RPS6KC1: variants seen among roughly 807,000 people sequenced by gnomAD.
RPS6KC1 encodes the protein inactive ribosomal protein S6 kinase delta-1.
Under a neutral mutation model 103.8 loss-of-function variants are expected in RPS6KC1, and 54 were observed. The observed-to-expected ratio is 0.52, with a 90% CI of 0.42 to 0.65. The LOEUF is 0.65. Among genes scored for constraint, RPS6KC1 ranks in the 30% least tolerant of loss-of-function variants. RPS6KC1 has a pLI of 0.00. For synonymous variants in RPS6KC1, 439 were observed against 438.7 expected (o/e 1.00, Z -0.01); for missense variants, 1,151 against 1,253.8 (o/e 0.92, Z 1.24).
At chr1:213,792,704 A>G in the RPS6KC1 span, among the ~76,000 whole-genome samples, 1 of 152,238 alleles carries the variant, frequency 6.6e-6, no homozygotes, top group Non-Finnish European at 1.5e-5. Flanking sequence ...CACTGAGAAC[A>G]AAGAGACAAA....
the RPS6KC1 span, among the ~76,000 whole-genome samples, chr1:213,668,733 T>C: frequency 6.6e-6 from 1 of 152,218 alleles, no homozygotes; most frequent in African/African-American, 2.4e-5. Context: ...TTTGCCTCCA[T>C]TGAAAATCTA....
chr1:213,260,890 G>C (rs2094776257), intron 12 of RPS6KC1, among the ~76,000 whole-genome samples: 1 of 152,062 alleles, frequency 6.6e-6, no homozygotes. Context: ...ACAGATAAAA[G>C]TGTAATTTGT....
intron 6 of RPS6KC1, among the ~76,000 whole-genome samples, chr1:213,164,686 C>T (rs2090794872): frequency 6.6e-6 from 1 of 151,970 alleles, no homozygotes; most frequent in Non-Finnish European, 1.5e-5. Flanking sequence ...CCTCAGCCTC[C>T]CAAGTAGCTG....
intron 8 of RPS6KC1, among the ~76,000 whole-genome samples, chr1:213,214,684 GA>G (rs2093611600): frequency 6.6e-6 from 1 of 152,160 alleles, no homozygotes; most frequent in Admixed American, 6.5e-5. Context: ...AAAACTTCCA[GA>G]AGAACAATCA....
chr1:213,546,347 G>A, the RPS6KC1 span: 3 of 152,176 alleles, frequency 2.0e-5, no homozygotes, highest in African/African-American at 7.2e-5. Context: ...CTGTCAGCAG[G>A]CAGAGTGAGG....
the RPS6KC1 span, among the ~76,000 whole-genome samples, chr1:213,356,916 T>C: frequency 2.0e-4 from 30 of 152,354 alleles, no homozygotes; most frequent in Admixed American, 2.0e-4. Context: ...CCAGCATTCT[T>C]GATTCTTGGA....
At chr1:213,490,944 G>A in the RPS6KC1 span, among the ~76,000 whole-genome samples, 1 of 152,148 alleles carries the variant, frequency 6.6e-6, no homozygotes, top group Non-Finnish European at 1.5e-5. Flanking sequence ...CACAAGCAAA[G>A]CAAAGGATCC....
the RPS6KC1 span, among the ~76,000 whole-genome samples, chr1:213,328,541 T>TATATATATAA: frequency 7.8e-6 from 1 of 129,022 alleles, no homozygotes; most frequent in Non-Finnish European, 1.7e-5. Flanking sequence ...TATATATATA[T>TATATATATAA]CACACACACA....
At chr1:213,861,140 G>A in the RPS6KC1 span, among the ~76,000 whole-genome samples, 163 of 152,192 alleles carry the variant, frequency 1.1e-3, no homozygotes, top group Admixed American at 1.6e-3. Context: ...AAAGGCTGAG[G>A]GAAGCTATTT....
the RPS6KC1 span, among the ~76,000 whole-genome samples, chr1:213,426,120 C>T: frequency 6.6e-6 from 1 of 152,086 alleles, no homozygotes; most frequent in Non-Finnish European, 1.5e-5. Flanking sequence ...AACCTGAGGA[C>T]GAGGACATCA....
the RPS6KC1 span, among the ~76,000 whole-genome samples, chr1:213,574,716 A>G: frequency 6.6e-6 from 1 of 152,204 alleles, no homozygotes; most frequent in Admixed American, 6.5e-5. Flanking sequence ...GTTCTGACCC[A>G]GATTGTAGGG....
chr1:213,703,737 G>T, the RPS6KC1 span, among the ~76,000 whole-genome samples: 4 of 152,022 alleles, frequency 2.6e-5, no homozygotes, highest in African/African-American at 9.7e-5. Context: ...CTTTTCTCTT[G>T]CTGCTTTTAG....
chr1:213,169,598 T>C (rs2091297104), intron 7 of RPS6KC1, among the ~76,000 whole-genome samples: 1 of 152,136 alleles, frequency 6.6e-6, no homozygotes, highest in African/African-American at 2.4e-5. Context: ...TTACTTTGAT[T>C]CAATTCCCAT....
At chr1:213,262,691 A>G (rs773043735) in intron 13 of RPS6KC1, 30 bp from the exon 14 acceptor site, 2 of 1,329,624 alleles carry the variant, frequency 1.5e-6, no homozygotes, top group Admixed American at 3.4e-5. Flanking sequence ...GTTATTTGGG[A>G]TAAGAAGTGT....
chr1:213,195,722 A>G (rs1427621310), intron 8 of RPS6KC1, among the ~76,000 whole-genome samples: 1 of 152,016 alleles, frequency 6.6e-6, no homozygotes, highest in African/African-American at 2.4e-5. Context: ...TTGGTTTTCT[A>G]TTCCTGAGTT....
the RPS6KC1 span, among the ~76,000 whole-genome samples, chr1:213,666,917 G>A: frequency 1.3e-5 from 2 of 152,248 alleles, no homozygotes; most frequent in Admixed American, 6.5e-5. Flanking sequence ...TTAGTGAGAA[G>A]TGTCCTTGTT....
chr1:213,092,541 G>A (rs895803075), intron 3 of RPS6KC1, among the ~76,000 whole-genome samples: 2 of 151,890 alleles, frequency 1.3e-5, no homozygotes, highest in South Asian at 2.1e-4. Flanking sequence ...GCATGGTGGC[G>A]GGCACCTGAA....
chr1:213,764,583 T>C, the RPS6KC1 span, among the ~76,000 whole-genome samples: 1 of 152,224 alleles, frequency 6.6e-6, no homozygotes, highest in Non-Finnish European at 1.5e-5. Context: ...AGTTCTGTGA[T>C]ACCATTCCAG....
intron 6 of RPS6KC1, among the ~76,000 whole-genome samples, chr1:213,156,848 CA>C (rs796325802): frequency 3.3e-5 from 5 of 152,166 alleles, no homozygotes; most frequent in African/African-American, 1.2e-4. Context: ...GAAAGTTTGC[CA>C]ATTTTGTTGA....
Sources: gnomAD v4.1 joint callset for allele counts (sites outside exome capture counted in the v4.1 genomes callset) on GRCh38, gnomAD v4.1.1 for gene constraint, MANE v1.5 for transcripts, NCBI Gene and HGNC (gene_info 2026-07-23, HGNC 2026-07-21) for gene names.